AQP7: variants seen among roughly 807,000 people sequenced by gnomAD.
AQP7 encodes the protein aquaporin-7.
In AQP7, 22 loss-of-function variants were observed where a neutral mutation model predicts 26.1. That is an observed-to-expected ratio of 0.84 (90% CI 0.60 to 1.20). AQP7 has a LOEUF of 1.20. Among genes scored for constraint, AQP7 ranks in the 50% most tolerant of loss-of-function variants. The pLI is 0.00. For missense variants in AQP7, 412 were observed against 457.5 expected, an observed-to-expected ratio of 0.90 and a Z score of 0.91; for synonymous variants, 167 against 181.7, an observed-to-expected ratio of 0.92 and a Z score of 0.65.
chr9:33,386,465 A>T lies in AQP7; in HGVS notation c.345T>A (p.Tyr115Ter). Residue 115 changes from tyrosine to a stop codon, truncating the protein, a stop_gained, in exon 5 of 8, where the codon TAT becomes TAA. Coordinates refer to ENST00000297988, the MANE Select transcript of AQP7 (RefSeq NM_001170.3). LOFTEE classifies it high-confidence loss of function. Reference protein sequence around the residue: ...GRVPWRKFPVYVLGQFLGSFL... With the variant: ...GRVPWRKFPV Reference sequence around the variant, plus strand: ...AGGAGCCCAGGAACTGCCCCAGCACATAGACCGGAAACTTCCTCCAGGGCA... The same window carrying T: ...AGGAGCCCAGGAACTGCCCCAGCACTTAGACCGGAAACTTCCTCCAGGGCA... 1 of 1,612,094 alleles carries T rather than the reference A, an allele frequency of 6.2e-7. No homozygotes were observed.
intron 2 of AQP7, among the ~76,000 whole-genome samples, chr9:33,397,633 C>T (rs62544582): frequency 0.23 from 35,351 of 152,034 alleles, 4,827 homozygotes; most frequent in South Asian, 0.34. Flanking sequence ...CTGGACATCT[C>T]TCATTCCCTC....
At chr9:33,396,303 T>G (rs1228996936) in intron 2 of AQP7, among the ~76,000 whole-genome samples, 1 of 152,082 alleles carries the variant, frequency 6.6e-6, no homozygotes, top group East Asian at 1.9e-4. Flanking sequence ...CCAGGCATGA[T>G]GGCGCATGCC....
At chr9:33,396,175 C>T (rs1206129489) in intron 2 of AQP7, among the ~76,000 whole-genome samples, 4 of 152,230 alleles carry the variant, frequency 2.6e-5, no homozygotes, top group South Asian at 4.2e-4. Flanking sequence ...CGGTGGCTCA[C>T]GCCTATAATC....
chr9:33,400,998 A>G (rs1826230274), intron 2 of AQP7: 7 of 564,646 alleles, frequency 1.2e-5, no homozygotes, highest in Non-Finnish European at 2.2e-5. Context: ...GGCCACCTGC[A>G]TGCCTTGACC....
intron 3 of AQP7, among the ~76,000 whole-genome samples, chr9:33,389,130 T>A (rs2785207): frequency 0.28 from 41,862 of 151,078 alleles, 5,982 homozygotes; most frequent in African/African-American, 0.3. Flanking sequence ...CGGGTTCAAG[T>A]GATTCTCCTG....
chr9:33,395,470 G>A (rs2381009), intron 2 of AQP7: 2 of 434,230 alleles, frequency 4.6e-6, no homozygotes, highest in South Asian at 5.9e-5. Context: ...TTGCAGATGG[G>A]CGGGTGGGGA....
Position 33,385,835 on chromosome 9 carries a change from A to G in AQP7, c.557T>C (p.Leu186Pro). Reference sequence around the variant, plus strand: ...GTTCTCCTGGTCCGTGATGGCGAAGAGACACAGCTGGAGCATCCCGGTCAG... The same window carrying G: ...GTTCTCCTGGTCCGTGATGGCGAAGGGACACAGCTGGAGCATCCCGGTCAG... ...AWLTGMLQLC[L>P]FAITDQENNP... The change falls in exon 7 of 8, where the codon CTC becomes CCC. Residue 186 changes from leucine (L) to proline (P), a missense_variant. Coordinates refer to ENST00000297988, the MANE Select transcript of AQP7 (RefSeq NM_001170.3). The G allele has an allele frequency of 6.2e-7, 1 of 1,611,800 alleles. No individual in the cohort carries two copies. Among genetic ancestry groups the G allele is most frequent in the Middle Eastern group, 2.1e-4 (1 of 4,724 alleles).
At chr9:33,396,872 G>T (rs1286565936) in intron 2 of AQP7, among the ~76,000 whole-genome samples, 6 of 151,406 alleles carry the variant, frequency 4.0e-5, no homozygotes, top group Non-Finnish European at 8.8e-5. Context: ...GAGGCGAGCT[G>T]ATCGCTTGAG....
At chr9:33,397,458 G>T (rs1209536978) in intron 2 of AQP7, among the ~76,000 whole-genome samples, 24 of 152,092 alleles carry the variant, frequency 1.6e-4, no homozygotes, top group Non-Finnish European at 2.8e-4. Context: ...CATGGGAGCT[G>T]GAGTTGGATG....
intron 3 of AQP7, chr9:33,391,356 A>T (rs1198475244): frequency 5.7e-6 from 1 of 176,360 alleles, no homozygotes; most frequent in Admixed American, 5.9e-5. Flanking sequence ...AGCCTTGCAC[A>T]GATTGGCACT....
At chr9:33,400,267 C>CA (rs1439614658) in intron 2 of AQP7, among the ~76,000 whole-genome samples, 1 of 151,612 alleles carries the variant, frequency 6.6e-6, no homozygotes, top group African/African-American at 2.4e-5. Context: ...CCAGCTCCTA[C>CA]GGAAAAAAAC....
intron 3 of AQP7, chr9:33,394,393 A>C (rs1587132235): frequency 6.8e-6 from 1 of 147,138 alleles, no homozygotes; most frequent in Admixed American, 6.9e-5. Context: ...TGATCATGTC[A>C]CTCCCCTGCT....
intron 3 of AQP7, among the ~76,000 whole-genome samples, chr9:33,394,816 C>T (rs1206509361): frequency 6.6e-6 from 1 of 152,068 alleles, no homozygotes; most frequent in Non-Finnish European, 1.5e-5. Context: ...TCTCTTTATC[C>T]TGGGTTTCCC....
At chr9:33,386,710 A>G (rs1824845172) in intron 4 of AQP7, among the ~76,000 whole-genome samples, 169 bp from the exon 5 acceptor site, 1 of 152,160 alleles carries the variant, frequency 6.6e-6, no homozygotes, top group Non-Finnish European at 1.5e-5. Flanking sequence ...TCTTCGTTTC[A>G]CTCTCAAGGA....
At chr9:33,396,143 G>C (rs2118850481) in intron 2 of AQP7, among the ~76,000 whole-genome samples, 1 of 152,280 alleles carries the variant, frequency 6.6e-6, no homozygotes, top group East Asian at 1.9e-4. Context: ...GGAGGATAAA[G>C]AGGAAGAAGA....
chr9:33,395,455 C>T, intron 2 of AQP7: 1 of 471,664 alleles, frequency 2.1e-6, no homozygotes, highest in Admixed American at 3.5e-5. Flanking sequence ...ACCAATGAGG[C>T]CACTTTGCAG....
At position 33,395,099 on chromosome 9, in the gene AQP7, G is replaced by T; in HGVS notation, c.123C>A (p.Phe41Leu). ...RKMVREFLAE[F>L]MSTYVMMVFG... ...TCACCATCATGACATATGTGCTCATGAACTCGGCCAGGAACTCTCGCACCA... is the reference window on the plus strand; with the variant it reads ...TCACCATCATGACATATGTGCTCATTAACTCGGCCAGGAACTCTCGCACCA... The change falls in exon 3 of 8, where the codon TTC (phenylalanine) becomes TTA (leucine). Residue 41 changes from phenylalanine (F) to leucine (L), a missense_variant. Physicochemically the swap from Phe to Leu is conservative, Grantham distance 22. Coordinates refer to ENST00000297988, the MANE Select transcript of AQP7 (RefSeq NM_001170.3). 6.2e-7 allele frequency: 1 copy of T among 1,612,776 alleles called. No individual in the cohort carries two copies. Among genetic ancestry groups the T allele is most frequent in the South Asian group, 1.1e-5 (1 of 91,036 alleles).
chr9:33,386,662 T>G, intron 4 of AQP7, 121 bp from the exon 5 acceptor site: 3 of 1,360,318 alleles, frequency 2.2e-6, no homozygotes, highest in South Asian at 2.9e-5. Context: ...GCTCTCTCCT[T>G]GAGCCCTCAC....
At chr9:33,389,364 G>A (rs1439452628) in intron 3 of AQP7, among the ~76,000 whole-genome samples, 1 of 152,032 alleles carries the variant, frequency 6.6e-6, no homozygotes, top group African/African-American at 2.4e-5. Flanking sequence ...GTGTAGAGAT[G>A]AGGTTTCACT....
Sources: allele counts gnomAD v4.1 joint callset (sites outside exome capture counted in the v4.1 genomes callset), GRCh38; gene constraint gnomAD v4.1.1; transcripts MANE v1.5; gene names NCBI Gene and HGNC (gene_info 2026-07-23, HGNC 2026-07-21).